The following STXBP5L variants were observed in gnomAD, a reference collection of about 807,000 sequenced individuals.
STXBP5L encodes syntaxin binding protein 5L.
In STXBP5L, 65 loss-of-function variants were observed where a neutral mutation model predicts 144.5. That is an observed-to-expected ratio of 0.45 (90% confidence interval 0.37 to 0.55). STXBP5L has a LOEUF of 0.55. Ranked by LOEUF, STXBP5L falls within the 20% of genes least tolerant of loss-of-function variation. STXBP5L has a pLI of 0.00. For missense variants in STXBP5L, 1,298 were observed against 1,405.5 expected (o/e 0.92, Z 1.22); for synonymous variants, 505 against 469.6 (o/e 1.08, Z -0.97).
At chr3:121,244,794 A>G (rs2049787414) in intron 14 of STXBP5L, among the ~76,000 whole-genome samples, 1 of 152,114 alleles carries the variant, frequency 6.6e-6, no homozygotes. Flanking sequence ...AAAGTGCTGA[A>G]AGAAAAAAAA....
intron 20 of STXBP5L, among the ~76,000 whole-genome samples, chr3:121,370,606 G>T (rs1333338468): frequency 6.6e-6 from 1 of 152,186 alleles, no homozygotes; most frequent in East Asian, 1.9e-4. Flanking sequence ...TGTTTTCTAT[G>T]TTGCTTCCAT....
At chr3:121,079,468 T>C (rs1349569417) in intron 5 of STXBP5L, among the ~76,000 whole-genome samples, 1 of 152,200 alleles carries the variant, frequency 6.6e-6, no homozygotes, top group African/African-American at 2.4e-5. Flanking sequence ...TTAATATTCC[T>C]TTTTAACTTG....
intron 3 of STXBP5L, among the ~76,000 whole-genome samples, chr3:120,991,319 A>T (rs2107964909): frequency 6.6e-6 from 1 of 151,780 alleles, no homozygotes; most frequent in South Asian, 2.1e-4. Context: ...ATCATTAAAA[A>T]GTCAGGAAAC....
rs192069231 is a variant in STXBP5L at position 121,004,462 on chromosome 3, G to A, written c.288-37238G>A. Among the ~76,000 whole-genome samples, 193 of 151,820 alleles carry A rather than the reference G, an allele frequency of 1.3e-3. 1 individual carries two copies. In the East Asian group the frequency reaches 0.029, roughly 22 times the overall value. ...AAGGAGATTTGGGGCTGAGACAATG[G>A]GGTTTTCTAGATATACAATCATGTC... is the stretch of plus-strand genomic sequence containing the variant. On this transcript the variant is annotated intron_variant, in intron 3 of 26. Coordinates refer to ENST00000471454, the MANE Select transcript of STXBP5L (RefSeq NM_001308330.2).
chr3:120,939,358 G>T (rs1246275444), intron 2 of STXBP5L, among the ~76,000 whole-genome samples: 1 of 152,094 alleles, frequency 6.6e-6, no homozygotes, highest in Non-Finnish European at 1.5e-5. Context: ...GAAAGACATG[G>T]ACTATATTAC....
intron 5 of STXBP5L, among the ~76,000 whole-genome samples, chr3:121,086,444 T>C (rs1401971609): frequency 6.6e-6 from 1 of 151,440 alleles, no homozygotes; most frequent in East Asian, 1.9e-4. Context: ...TATAGCACAA[T>C]GCATTGCCCT....
intron 25 of STXBP5L, among the ~76,000 whole-genome samples, chr3:121,417,348 A>T (rs963998271): frequency 3.3e-5 from 5 of 152,172 alleles, no homozygotes; most frequent in Admixed American, 2.0e-4. Context: ...CTATTATTTT[A>T]AAAAAATTAG....
At chr3:120,942,088 C>G (rs1015721855) in intron 2 of STXBP5L, among the ~76,000 whole-genome samples, 2 of 151,578 alleles carry the variant, frequency 1.3e-5, no homozygotes, top group African/African-American at 2.4e-5. Context: ...GTGAAAAATG[C>G]TAACATTTAG....
chr3:121,123,743 G>A (rs1031388304), intron 7 of STXBP5L, among the ~76,000 whole-genome samples: 5 of 151,704 alleles, frequency 3.3e-5, no homozygotes, highest in African/African-American at 9.7e-5. Flanking sequence ...ATGAATATTG[G>A]CATCAGAAAA....
intron 18 of STXBP5L, among the ~76,000 whole-genome samples, chr3:121,262,387 C>T (rs1273246336): frequency 2.0e-5 from 3 of 152,116 alleles, no homozygotes; most frequent in Admixed American, 6.6e-5. Flanking sequence ...CCCAGCACTT[C>T]GGGAGGCCAA....
chr3:121,204,895 G>A (rs902977834), intron 9 of STXBP5L, among the ~76,000 whole-genome samples: 57 of 152,156 alleles, frequency 3.7e-4, no homozygotes, highest in African/African-American at 1.4e-3. Context: ...ATCTTAGGGA[G>A]TCTAAACAGA....
At chr3:121,051,973 A>G (rs763316878) in intron 5 of STXBP5L, among the ~76,000 whole-genome samples, 2 of 152,198 alleles carry the variant, frequency 1.3e-5, no homozygotes, top group Non-Finnish European at 2.9e-5. Flanking sequence ...ATAAACTAGA[A>G]AATCTAGAAG....
At chr3:121,119,163 T>TA (rs1355399136) in intron 6 of STXBP5L, among the ~76,000 whole-genome samples, 1 of 151,546 alleles carries the variant, frequency 6.6e-6, no homozygotes, top group Non-Finnish European at 1.5e-5. Context: ...TTCTATTATT[T>TA]AAAAATTGGT....
At chr3:121,303,760 C>G (rs1468422620) in intron 19 of STXBP5L, among the ~76,000 whole-genome samples, 36 of 152,026 alleles carry the variant, frequency 2.4e-4, no homozygotes, top group Non-Finnish European at 1.9e-4. Flanking sequence ...CCATCATTCT[C>G]AGCAAACTAT....
chr3:120,991,144 A>G (rs1942817603), intron 3 of STXBP5L, among the ~76,000 whole-genome samples: 1 of 151,982 alleles, frequency 6.6e-6, no homozygotes, highest in Non-Finnish European at 1.5e-5. Flanking sequence ...GAAACAAACA[A>G]ACAACCCCAT....
At chr3:121,032,807 A>C (rs1946466946) in intron 3 of STXBP5L, among the ~76,000 whole-genome samples, 1 of 64,912 alleles carries the variant, frequency 1.5e-5, no homozygotes, top group South Asian at 6.0e-4. Flanking sequence ...TGCAGCCAAA[A>C]AACACATGAA....
Position 121,318,464 on chromosome 3 carries a change from T to C in STXBP5L, c.2111-11T>C, listed in dbSNP as rs959514782. 3 of 1,539,658 alleles carry C rather than the reference T, an allele frequency of 1.9e-6. No homozygotes were observed. The African/African-American group carries it at 4.2e-5, about 22-fold the overall frequency. On this transcript the variant is annotated splice_polypyrimidine_tract_variant and intron_variant, in intron 19 of 26. Transcript: ENST00000471454. ...CAAAATTTATCTCATTTTTTTTCAT[T>C]GTATTTTCAGGTTTAACTGAACTGA...
intron 5 of STXBP5L, among the ~76,000 whole-genome samples, chr3:121,085,006 T>C (rs999524594): frequency 8.1e-5 from 12 of 149,056 alleles, no homozygotes; most frequent in African/African-American, 3.0e-4. Flanking sequence ...CAACCGCATG[T>C]ATGTCTTTTT....
intron 3 of STXBP5L, among the ~76,000 whole-genome samples, chr3:120,971,912 A>C (rs978936181): frequency 3.3e-5 from 5 of 151,806 alleles, no homozygotes; most frequent in Admixed American, 2.0e-4. Flanking sequence ...TTTTTAACCA[A>C]CCCTTCATAT....
Sources: gnomAD v4.1 joint callset for allele counts (sites outside exome capture counted in the v4.1 genomes callset) on GRCh38, gnomAD v4.1.1 for gene constraint, MANE v1.5 for transcripts, NCBI Gene and HGNC (gene_info 2026-07-23, HGNC 2026-07-21) for gene names.